The following NAV2 variants were observed in gnomAD, a reference collection of about 807,000 sequenced individuals.
NAV2 encodes the protein helicase, APC down-regulated 1.
In NAV2, 54 loss-of-function variants were observed where a neutral mutation model predicts 223.2. The ratio of observed to expected loss-of-function variants is 0.24; its 90% CI spans 0.19 to 0.30. The LOEUF (loss-of-function observed/expected upper bound fraction) is 0.30, where lower values mean the gene tolerates loss of function less well. NAV2 is among the 10% of genes least tolerant of loss of function. The probability of loss-of-function intolerance (pLI) is 1.00; values close to 1 mark genes in which losing one functional copy is unlikely to be tolerated. For missense variants in NAV2, 2,806 were observed against 3,147.5 expected, an observed-to-expected ratio of 0.89 and a Z score of 2.60; for synonymous variants, 1,279 against 1,239.3, an observed-to-expected ratio of 1.03 and a Z score of -0.67.
At chr11:19,417,396 T>A (rs1421211446) in intron 1 of NAV2, among the ~76,000 whole-genome samples, 5 of 152,214 alleles carry the variant, frequency 3.3e-5, no homozygotes. Flanking sequence ...CACAATGAGA[T>A]ACCATCCCAT....
chr11:20,094,858 C>T (rs998935094), intron 29 of NAV2, among the ~76,000 whole-genome samples: 1 of 152,196 alleles, frequency 6.6e-6, no homozygotes, highest in African/African-American at 2.4e-5. Context: ...CCACCTCCAC[C>T]CAACCACGCT....
chr11:19,694,701 A>G (rs543851412), intron 1 of NAV2, among the ~76,000 whole-genome samples: 151 of 152,270 alleles, frequency 9.9e-4, no homozygotes, highest in African/African-American at 3.5e-3. Context: ...TCTTTTCCTT[A>G]GAATGAAATT....
At chr11:19,617,434 A>G (rs558155100) in intron 1 of NAV2, among the ~76,000 whole-genome samples, 5 of 152,242 alleles carry the variant, frequency 3.3e-5, no homozygotes, top group African/African-American at 7.2e-5. Context: ...CTGTCTGGTA[A>G]TGGGGGGATA....
intron 1 of NAV2, among the ~76,000 whole-genome samples, chr11:19,529,735 C>G (rs561764196): frequency 4.6e-5 from 7 of 152,278 alleles, no homozygotes; most frequent in African/African-American, 1.7e-4. Flanking sequence ...AGGGCACCCC[C>G]TTGTCCTGAG....
intron 1 of NAV2, among the ~76,000 whole-genome samples, chr11:19,428,190 C>T (rs2729850): frequency 0.95 from 145,358 of 152,238 alleles, 69,700 homozygotes; most frequent in East Asian, 1. Context: ...TTTTTTGTTG[C>T]TGTTGTTAAA....
chr11:20,031,443 C>A (rs2055722794), intron 11 of NAV2, among the ~76,000 whole-genome samples: 1 of 152,222 alleles, frequency 6.6e-6, no homozygotes, highest in Non-Finnish European at 1.5e-5. Flanking sequence ...TGACTCTCAA[C>A]CACATATCTG....
At chr11:20,034,840 G>A (rs777316651) in intron 11 of NAV2, among the ~76,000 whole-genome samples, 2 of 152,188 alleles carry the variant, frequency 1.3e-5, no homozygotes, top group Non-Finnish European at 2.9e-5. Flanking sequence ...AGATCTGAAA[G>A]ATGAGAGGAG....
intron 10 of NAV2, among the ~76,000 whole-genome samples, chr11:19,959,817 G>A (rs2048199869): frequency 6.6e-6 from 1 of 152,118 alleles, no homozygotes; most frequent in Non-Finnish European, 1.5e-5. Flanking sequence ...TACCGTGCTG[G>A]GCGAGAGAAG....
At chr11:19,973,637 G>A (rs1243422520) in intron 10 of NAV2, among the ~76,000 whole-genome samples, 1 of 152,184 alleles carries the variant, frequency 6.6e-6, no homozygotes, top group Non-Finnish European at 1.5e-5. Context: ...GTGAATTGTA[G>A]CATTGCCATG....
rs745607454 is a variant in NAV2 at position 20,045,014 on chromosome 11, T to C, written c.3246T>C (p.Pro1082=). The change falls in exon 14 of 38, where the codon CCT becomes CCC. Residue 1082 remains proline (P), a synonymous_variant. Coordinates refer to ENST00000349880, the MANE Select transcript of NAV2 (RefSeq NM_145117.5). The part of the protein sequence containing the change: ...AKVSEKGRLS[P]KASQVKRSPS... ...TGTCTGAGAAAGGAAGGCTTTCTCC[T>C]AAAGCCTCCCAGGTGAAGCGCTCCC... 1 of 1,613,944 alleles carries C rather than the reference T, an allele frequency of 6.2e-7. No individual in the cohort carries two copies. Among genetic ancestry groups the C allele is most frequent in the South Asian group, 1.1e-5 (1 of 91,068 alleles).
intron 8 of NAV2, among the ~76,000 whole-genome samples, chr11:19,944,542 G>A (rs945478914): frequency 9.1e-5 from 11 of 121,126 alleles, no homozygotes; most frequent in East Asian, 5.0e-4. Flanking sequence ...TTTCCATTCC[G>A]TTCCATTTCT....
Position 20,048,919 on chromosome 11 carries a change from C to G in NAV2, c.4094C>G (p.Ser1365Cys), listed in dbSNP as rs777780008. Residue 1365 changes from serine to cysteine, a missense_variant, in exon 15 of 38, where the codon TCT becomes TGT. Around this residue, in one of 4 missense-constraint regions of NAV2, gnomAD observed 742 missense variants for 777.9 expected, o/e 0.95. Transcript: ENST00000349880. ...LYSKNVDLNQ[S>C]PLASSPSSAH... ...AGCAAGAATGTGGACCTCAACCAGT[C>G]TCCGCTAGCCTCCAGCCCCAGCTCA... 1 of 1,614,192 alleles carries G rather than the reference C, an allele frequency of 6.2e-7. No homozygotes were observed. The highest frequency in any genetic ancestry group is 8.5e-7 in the Non-Finnish European group (1 of 1,180,026).
chr11:19,851,398 C>T (rs982353333), intron 3 of NAV2, among the ~76,000 whole-genome samples: 4 of 152,184 alleles, frequency 2.6e-5, no homozygotes, highest in Admixed American at 6.5e-5. Context: ...CAGGATGAGA[C>T]ATTCTGTTTT....
intron 1 of NAV2, among the ~76,000 whole-genome samples, chr11:19,815,010 C>T (rs897717240): frequency 6.6e-6 from 1 of 151,540 alleles, no homozygotes; most frequent in African/African-American, 2.4e-5. Flanking sequence ...TACAGCTGAC[C>T]TTGGAGTGAT....
At position 19,998,552 on chromosome 11, in the gene NAV2, G is replaced by A. The variant is rs749420292; in HGVS notation, c.2768+14305G>A. ...GACTCCTTGCCGTGGCCTCCAAGGG[G>A]GTGTGTGTTCTGGCCCCTGCGCACC... On this transcript the variant is annotated intron_variant, in intron 11 of 37. Transcript: ENST00000349880. This position sits in a 1 kb window ranked among gnomAD's most constrained non-coding sequence, Gnocchi z 5.0. Among the ~76,000 whole-genome samples, 17 of 152,024 alleles carry A rather than the reference G, an allele frequency of 1.1e-4. No individual in the cohort carries two copies. Among genetic ancestry groups the A allele is most frequent in the Non-Finnish European group, 2.4e-4 (16 of 68,018 alleles).
At chr11:19,607,138 G>A (rs2046498090) in intron 1 of NAV2, among the ~76,000 whole-genome samples, 1 of 152,228 alleles carries the variant, frequency 6.6e-6, no homozygotes, top group East Asian at 1.9e-4. Context: ...TGTCCCTGGA[G>A]AGTTTGAAGA....
intron 6 of NAV2, among the ~76,000 whole-genome samples, chr11:19,896,080 G>A (rs74353408): frequency 0.01 from 1,548 of 152,204 alleles, 34 homozygotes; most frequent in African/African-American, 0.036. Flanking sequence ...CTCCTTCACC[G>A]AAGCCTTCCT....
chr11:19,494,069 G>A (rs1564984502), intron 1 of NAV2, among the ~76,000 whole-genome samples: 1 of 152,194 alleles, frequency 6.6e-6, no homozygotes, highest in Non-Finnish European at 1.5e-5. Context: ...TGGCCCCTGG[G>A]ACACAGGACC....
chr11:19,709,708 G>A (rs921950360), upstream of NAV2, among the ~76,000 whole-genome samples: 4 of 151,980 alleles, frequency 2.6e-5, no homozygotes, highest in South Asian at 2.1e-4. Context: ...GGTGGCATGC[G>A]CCTGTAATCC....
Sources: allele counts gnomAD v4.1 joint callset (sites outside exome capture counted in the v4.1 genomes callset), GRCh38; gene constraint gnomAD v4.1.1; regional missense constraint gnomAD v4.1.1; non-coding constraint Gnocchi (gnomAD v3.1); transcripts MANE v1.5; gene names NCBI Gene and HGNC (gene_info 2026-07-23, HGNC 2026-07-21).